The following SRGAP1 variants were observed in gnomAD, a reference collection of about 807,000 sequenced individuals.
The protein encoded by SRGAP1 is SLIT-ROBO Rho GTPase activating protein 1.
SRGAP1 carries 43 observed loss-of-function variants against 121.9 expected under a neutral mutation model. That is an observed-to-expected ratio of 0.35 (90% CI 0.28 to 0.46). The LOEUF is 0.46. Among genes scored for constraint, SRGAP1 ranks in the 20% least tolerant of loss-of-function variants. SRGAP1 has a pLI of 1.00. For synonymous variants in SRGAP1, 447 were observed against 485.4 expected (o/e 0.92, Z 1.04); for missense variants, 1,102 against 1,350.9 (o/e 0.82, Z 2.89).
intron 8 of SRGAP1, among the ~76,000 whole-genome samples, chr12:64,074,869 G>C (rs2035705878): frequency 6.6e-6 from 1 of 152,044 alleles, no homozygotes. Context: ...TATTAATTTA[G>C]TTATGCACAA....
rs1400422050 is a variant in SRGAP1, at chr12:63,978,183, G to A, written c.68-5764G>A. Among the ~76,000 whole-genome samples the A allele has an allele frequency of 2.0e-5, 3 of 152,282 alleles. No homozygotes were observed. The East Asian group carries it at 5.8e-4, about 29-fold the overall frequency. On this transcript the variant is annotated intron_variant, in intron 1 of 21. Transcript: ENST00000355086. Reference sequence around the variant, plus strand: ...AACAACCAACATTTCATGGAATTGTGATATAGCTATCTTTCAATGTATATA... The same window carrying A: ...AACAACCAACATTTCATGGAATTGTAATATAGCTATCTTTCAATGTATATA...
At chr12:63,971,763 G>GGTGTGTGT (rs148460394) in intron 1 of SRGAP1, among the ~76,000 whole-genome samples, 2 of 148,416 alleles carry the variant, frequency 1.3e-5, no homozygotes, top group African/African-American at 2.5e-5. Flanking sequence ...TGTGTGTGTG[G>GGTGTGTGT]GTGTGTGTGT....
chr12:63,898,098 G>A (rs1900813925), intron 1 of SRGAP1, among the ~76,000 whole-genome samples: 1 of 152,188 alleles, frequency 6.6e-6, no homozygotes, highest in Admixed American at 6.5e-5. Context: ...TACTGGGGGA[G>A]AAAAGGAAGA....
intron 1 of SRGAP1, among the ~76,000 whole-genome samples, chr12:63,963,691 C>T (rs1211155525): frequency 1.3e-5 from 2 of 152,176 alleles, no homozygotes; most frequent in Non-Finnish European, 2.9e-5. Flanking sequence ...CTGTATCACC[C>T]ATCCTCCCTA....
At chr12:63,942,565 C>T (rs1471221856) in intron 1 of SRGAP1, among the ~76,000 whole-genome samples, 5 of 152,100 alleles carry the variant, frequency 3.3e-5, no homozygotes, top group African/African-American at 4.8e-5. Context: ...GTGCCTCCAC[C>T]GGTCTAGATC....
In SRGAP1 at chr12:63,876,355, A is replaced by G. The variant is rs149383333; in HGVS notation, c.67+31472A>G. 2.4e-4 allele frequency among the ~76,000 whole-genome samples: 37 copies of G among 152,310 alleles called. No individual in the cohort carries two copies. In the East Asian group the frequency reaches 6.2e-3, roughly 25 times the overall value. ...AGGAATAATCAGGGAGCTTAATGCA[A>G]TCAGAACCTTGTAGCCTGTTATGGG... On this transcript the variant is annotated intron_variant, in intron 1 of 21. Transcript: ENST00000355086.
chr12:63,967,369 A>G (rs563022607), intron 1 of SRGAP1, among the ~76,000 whole-genome samples: 22 of 152,330 alleles, frequency 1.4e-4, no homozygotes, highest in African/African-American at 5.3e-4. Context: ...TTGAGCCCAG[A>G]AAGTCGAAAT....
At chr12:63,919,294 G>A (rs1459683284) in intron 1 of SRGAP1, among the ~76,000 whole-genome samples, 2 of 152,094 alleles carry the variant, frequency 1.3e-5, no homozygotes, top group Admixed American at 1.3e-4. Context: ...CTGGGCTCAA[G>A]TGATCCACCT....
rs112826752 is a variant in SRGAP1, at chr12:63,912,474, C to T, written c.67+67591C>T. On this transcript the variant is annotated intron_variant, in intron 1 of 21. Coordinates refer to ENST00000355086, the MANE Select transcript of SRGAP1 (RefSeq NM_020762.4). ...TATTAAAAATAAAAAATTACCCAGG[C>T]GTGGTGGCATGAGCCTGTAACCCCA... 5.8e-3 allele frequency among the ~76,000 whole-genome samples: 886 copies of T among 152,080 alleles called. 56 individuals are homozygous for T. In the East Asian group the frequency reaches 0.13, roughly 23 times the overall value.
At chr12:64,115,613 TAGTC>T (rs1347987537) in intron 17 of SRGAP1, among the ~76,000 whole-genome samples, 197 bp from the exon 18 acceptor site, 4 of 152,104 alleles carry the variant, frequency 2.6e-5, no homozygotes, top group South Asian at 2.1e-4. Flanking sequence ...AATTAAAAAT[TAGTC>T]AGGTGTGGTG....
At chr12:64,038,186 G>A (rs768135877) in intron 4 of SRGAP1, among the ~76,000 whole-genome samples, 28 of 152,130 alleles carry the variant, frequency 1.8e-4, no homozygotes, top group Non-Finnish European at 3.2e-4. Context: ...GATTAAATAT[G>A]TTATTCGTAA....
In SRGAP1 at chr12:64,115,912, C is replaced by T. The variant is rs1438616881; in HGVS notation, c.2224+19C>T. The T allele has an allele frequency of 1.3e-6, 2 of 1,598,058 alleles. No individual in the cohort carries two copies. Among genetic ancestry groups the T allele is most frequent in the Non-Finnish European group, 1.7e-6 (2 of 1,170,030 alleles). Reference sequence around the variant, plus strand: ...GAAGATGGTATGCTCTCCCCTTATGCTATTATAAAGCCAGTCTTTATATCC... The same window carrying T: ...GAAGATGGTATGCTCTCCCCTTATGTTATTATAAAGCCAGTCTTTATATCC... On this transcript the variant is annotated intron_variant, in intron 18 of 21. Coordinates refer to ENST00000355086, the MANE Select transcript of SRGAP1 (RefSeq NM_020762.4).
chr12:63,988,241 C>T (rs1413763723), intron 2 of SRGAP1, among the ~76,000 whole-genome samples: 4 of 152,144 alleles, frequency 2.6e-5, no homozygotes, highest in African/African-American at 9.7e-5. Context: ...TATGTTGAAG[C>T]ATGAAATGTT....
At chr12:64,088,100 G>A (rs556603671) in intron 11 of SRGAP1, among the ~76,000 whole-genome samples, 17 of 152,298 alleles carry the variant, frequency 1.1e-4, no homozygotes, top group Non-Finnish European at 2.2e-4. Context: ...GCAGTAATTG[G>A]CAAGTTGACT....
At chr12:63,939,940 A>G (rs1281318300) in intron 1 of SRGAP1, among the ~76,000 whole-genome samples, 1 of 151,910 alleles carries the variant, frequency 6.6e-6, no homozygotes, top group Non-Finnish European at 1.5e-5. Flanking sequence ...TAGAAATGAA[A>G]CAATCTTTCT....
intron 15 of SRGAP1, among the ~76,000 whole-genome samples, chr12:64,107,870 G>GT (rs1252556208): frequency 6.6e-6 from 1 of 152,100 alleles, no homozygotes; most frequent in Admixed American, 6.6e-5. Flanking sequence ...CTTTGTAAAG[G>GT]TACAGCTTTA....
At chr12:63,991,014 A>G (rs1049619855) in intron 3 of SRGAP1, among the ~76,000 whole-genome samples, 1 of 152,172 alleles carries the variant, frequency 6.6e-6, no homozygotes, top group African/African-American at 2.4e-5. Flanking sequence ...GTTGTTACTA[A>G]TCTCAGCCAA....
intron 4 of SRGAP1, among the ~76,000 whole-genome samples, chr12:64,039,497 G>A (rs573850862): frequency 2.0e-5 from 3 of 152,116 alleles, no homozygotes; most frequent in African/African-American, 7.2e-5. Context: ...TTTTCTTTGC[G>A]ATAATTTATT....
intron 1 of SRGAP1, among the ~76,000 whole-genome samples, chr12:63,938,963 T>G (rs1382769930): frequency 2.0e-5 from 3 of 151,698 alleles, no homozygotes; most frequent in African/African-American, 7.3e-5. Flanking sequence ...AAGACCAGCC[T>G]GGACAACATG....
Sources: allele counts gnomAD v4.1 joint callset (sites outside exome capture counted in the v4.1 genomes callset), GRCh38; gene constraint gnomAD v4.1.1; transcripts MANE v1.5; gene names NCBI Gene and HGNC (gene_info 2026-07-23, HGNC 2026-07-21).